Variants in BOP1 observed in about 807,000 individuals in gnomAD.
The protein encoded by BOP1 is BOP1 ribosomal biogenesis factor.
In BOP1, 54 loss-of-function variants were observed where a neutral mutation model predicts 82.9. The ratio of observed to expected loss-of-function variants is 0.65; its 90% CI spans 0.52 to 0.82. The LOEUF (loss-of-function observed/expected upper bound fraction) is 0.82. BOP1 is among the 40% of genes least tolerant of loss of function. BOP1 has a pLI of 0.00. For synonymous variants in BOP1, 566 were observed against 451.1 expected, an observed-to-expected ratio of 1.25 and a Z score of -3.23; for missense variants, 1,170 against 1,072.0, an observed-to-expected ratio of 1.09 and a Z score of -1.28.
At position 144,262,331 on chromosome 8, in the gene BOP1, G is replaced by A; in HGVS notation, c.2088-14C>T. On this transcript the variant is annotated splice_polypyrimidine_tract_variant and intron_variant, in intron 15 of 15. Coordinates refer to ENST00000569669, the MANE Select transcript of BOP1 (RefSeq NM_015201.5). ...TGCAGAAGGTCACTGTGGGGACGAG[G>A]AGGGCTCAGGGCACGGCCAGACACC... The A allele has an allele frequency of 6.2e-7, 1 of 1,612,822 alleles. No homozygotes were observed. The highest frequency in any genetic ancestry group is 1.1e-5 in the South Asian group (1 of 91,058).
chr8:144,281,234 C>T (rs1158954890), intron 2 of BOP1, among the ~76,000 whole-genome samples: 1,184 of 2,428 alleles, frequency 0.49, 571 homozygotes, highest in East Asian at 0.91. Context: ...TTCGGCCTTC[C>T]CTCAGTTTAA....
At chr8:144,271,537 C>T (rs1166797779) in intron 3 of BOP1, among the ~76,000 whole-genome samples, 5 of 152,178 alleles carry the variant, frequency 3.3e-5, no homozygotes, top group Non-Finnish European at 4.4e-5. Flanking sequence ...GAGCGCCACA[C>T]GGCCTTCCTG....
chr8:144,274,175 C>T (rs1225986731), intron 3 of BOP1, among the ~76,000 whole-genome samples: 3 of 151,504 alleles, frequency 2.0e-5, no homozygotes, highest in South Asian at 4.1e-4. Flanking sequence ...CTGAGATCGC[C>T]GCTCGCAGGA....
Position 144,290,338 on chromosome 8 carries a change from C to CAAA in BOP1, c.99+931_99+933dup, listed in dbSNP as rs11353637. The stretch of plus-strand genomic sequence containing the variant: ...TGGGCAACAGAGCCAGGCTCTGTCT[C>CAAA]AAAAAAAAAAAAAAGAAAAAAGAAA... On this transcript the variant is annotated intron_variant, in intron 1 of 15. Coordinates refer to ENST00000569669, the MANE Select transcript of BOP1 (RefSeq NM_015201.5). Among the ~76,000 whole-genome samples the CAAA allele has an allele frequency of 9.5e-5, 12 of 126,108 alleles. No individual in the cohort carries two copies. The East Asian group carries it at 1.4e-3, about 15-fold the overall frequency. 82.7% of individuals were successfully genotyped at this position (126,108 alleles called of 152,430 possible).
chr8:144,263,549 A>T lies in BOP1; in HGVS notation c.1353T>A (p.Val451=). 6.2e-7 allele frequency: 1 copy of T among 1,601,248 alleles called. No individual in the cohort carries two copies. The highest frequency in any genetic ancestry group is 8.5e-7 in the Non-Finnish European group (1 of 1,179,722). ...CACTCTTCACCACGCCCCCCACGGG[A>T]ACAGTCCTCACACAGCGGGCAGTGG... ...EVATARCVRT[V]PVGGVVKSVA... Residue 451 remains valine (V), a synonymous_variant, in exon 11 of 16, where the codon GTT becomes GTA. Coordinates refer to ENST00000569669, the MANE Select transcript of BOP1 (RefSeq NM_015201.5).
intron 2 of BOP1, among the ~76,000 whole-genome samples, chr8:144,277,361 CAT>C (rs1292527516): frequency 5.3e-5 from 8 of 152,358 alleles, no homozygotes; most frequent in East Asian, 1.9e-4. Flanking sequence ...GCCTGGAGCA[CAT>C]GAGCCCCCAC....
chr8:144,286,639 A>G (rs1174621824), intron 2 of BOP1, among the ~76,000 whole-genome samples: 1 of 152,132 alleles, frequency 6.6e-6, no homozygotes, highest in Non-Finnish European at 1.5e-5. Flanking sequence ...AGCACAGGAC[A>G]CGCGGGCAGG....
At chr8:144,271,841 C>CCTT (rs1554837867) in intron 3 of BOP1, among the ~76,000 whole-genome samples, 1 of 152,220 alleles carries the variant, frequency 6.6e-6, no homozygotes, top group Non-Finnish European at 1.5e-5. Flanking sequence ...ACGCATCTGC[C>CCTT]CTTCTAGAGG....
chr8:144,291,289 G>C lies in BOP1; in HGVS notation c.82C>G (p.Pro28Ala), dbSNP rs782569588. Residue 28 changes from proline (P) to alanine (A), a missense_variant, in exon 1 of 16, where the codon CCT becomes GCT. Transcript: ENST00000569669. This position sits in a 1 kb window ranked among gnomAD's most constrained non-coding sequence, Gnocchi z 4.1. ...EKRRSEPELE[P>A]EPEPEPPLLC... ...ACAGTCACCTCCGGCTCGGGCTCAG[G>C]CTCCAGTTCGGGCTCAGACCGCCGC... The C allele has an allele frequency of 4.2e-5, 62 of 1,460,806 alleles. No individual in the cohort carries two copies. In the East Asian group the frequency reaches 8.4e-4, roughly 20 times the overall value. The allele number at this position is 1,460,806 out of a possible 1,614,324, so 90.5% of individuals were successfully genotyped here. A position where few individuals can be genotyped will look rare whatever the true frequency, so the allele number is the denominator to read the frequency against.
At chr8:144,287,121 C>T (rs567943238) in intron 2 of BOP1, among the ~76,000 whole-genome samples, 4 of 152,080 alleles carry the variant, frequency 2.6e-5, no homozygotes, top group African/African-American at 4.8e-5. Context: ...GTGATTCTAA[C>T]GCCTCAGCCT....
chr8:144,262,511 G>A lies in BOP1; in HGVS notation c.1980-8C>T, dbSNP rs889494720. On this transcript the variant is annotated splice_region_variant and splice_polypyrimidine_tract_variant and intron_variant, in intron 14 of 15. Transcript: ENST00000569669. ...AGAGCCTTCTTGTGGTGTCTGGGGG[G>A]AGGGAACCAGGTTGAAGGCAGGCTC... is the stretch of plus-strand genomic sequence containing the variant. The A allele has an allele frequency of 1.2e-6, 2 of 1,612,928 alleles. No individual in the cohort carries two copies. The highest frequency in any genetic ancestry group is 1.7e-5 in the Admixed American group (1 of 59,990).
At chr8:144,289,645 C>T (rs1025144859) in intron 1 of BOP1, among the ~76,000 whole-genome samples, 22 of 152,330 alleles carry the variant, frequency 1.4e-4, no homozygotes, top group East Asian at 1.2e-3. Context: ...ACTGACACTC[C>T]GGAGGCCCTG....
In BOP1 at chr8:144,288,842, G is replaced by A. The variant is rs370895904; in HGVS notation, c.309+253C>T. Among the ~76,000 whole-genome samples the A allele has an allele frequency of 5.3e-5, 8 of 152,222 alleles. No individual in the cohort carries two copies. In the South Asian group the frequency reaches 1.4e-3, roughly 28 times the overall value. ...TCAAGGAAACCCAACCTGTTGCCAG[G>A]AGGGTTGCCCGAGCATCGTCTGACG... On this transcript the variant is annotated intron_variant, in intron 2 of 15. Transcript: ENST00000569669.
intron 2 of BOP1, among the ~76,000 whole-genome samples, chr8:144,285,377 C>G (rs1046956139): frequency 6.6e-6 from 1 of 152,212 alleles, no homozygotes; most frequent in African/African-American, 2.4e-5. Context: ...GAGGCAGAGG[C>G]CACAGGGGCC....
chr8:144,282,790 G>A (rs551065964), intron 2 of BOP1, among the ~76,000 whole-genome samples: 196 of 152,180 alleles, frequency 1.3e-3, no homozygotes, highest in African/African-American at 4.4e-3. Context: ...ACAGTCAGGG[G>A]AGGAGCTGCA....
Position 144,263,644 on chromosome 8 carries a change from C to T in BOP1, c.1292-34G>A, listed in dbSNP as rs1588587811. 13 of 1,605,808 alleles carry T rather than the reference C, an allele frequency of 8.1e-6. No homozygotes were observed. The East Asian group carries it at 2.2e-4, about 28-fold the overall frequency. On this transcript the variant is annotated intron_variant, in intron 10 of 15. Coordinates refer to ENST00000569669, the MANE Select transcript of BOP1 (RefSeq NM_015201.5). ...GGCAGAGACAGCTCTCAACACCTGG[C>T]CATCCCACCTGCCCCCCAGCTCAAG...
At chr8:144,277,711 C>T (rs1177876872) in intron 2 of BOP1, among the ~76,000 whole-genome samples, 8 of 132,028 alleles carry the variant, frequency 6.1e-5, no homozygotes, top group Admixed American at 8.5e-5. Flanking sequence ...TTCCCAGGGG[C>T]GCAGCATCCC....
In BOP1 at chr8:144,262,932, G is replaced by A; in HGVS notation, c.1815C>T (p.Tyr605=). The A allele has an allele frequency of 3.9e-6, 6 of 1,548,592 alleles. No individual in the cohort carries two copies. The highest frequency in any genetic ancestry group is 5.2e-6 in the Non-Finnish European group (6 of 1,153,614). Residue 605 remains tyrosine, a synonymous_variant, in exon 13 of 16, where the codon TAC becomes TAT. Coordinates refer to ENST00000569669, the MANE Select transcript of BOP1 (RefSeq NM_015201.5). ...TGGTGAGCTCCTGGCGCAGCAGGTG[G>A]TAGAGGCGGACGCTGCGCTGGGACG... The part of the protein sequence containing the change: ...LVASQRSVRL[Y]HLLRQELTKK...
Position 144,263,369 on chromosome 8 carries a change from A to G in BOP1, c.1457T>C (p.Leu486Pro), listed in dbSNP as rs1373934041. ...GCTGCCCGCCACCAGCCGGTCCCCC[A>G]GAGCTGGGTTCAGCAGCAGCACCGA... ...EDSVLLLNPA[L>P]GDRLVAGSTD... The change falls in exon 12 of 16, where the codon CTG (leucine) becomes CCG (proline). Residue 486 changes from leucine to proline, a missense_variant. By Grantham distance (98) the Leu-to-Pro change is moderately conservative. Coordinates refer to ENST00000569669, the MANE Select transcript of BOP1 (RefSeq NM_015201.5). 4 of 1,597,114 alleles carry G rather than the reference A, an allele frequency of 2.5e-6. No homozygotes were observed. The highest frequency in any genetic ancestry group is 1.7e-5 in the Admixed American group (1 of 59,922).
Sources: allele counts gnomAD v4.1 joint callset (sites outside exome capture counted in the v4.1 genomes callset), GRCh38; gene constraint gnomAD v4.1.1; non-coding constraint Gnocchi (gnomAD v3.1); transcripts MANE v1.5; gene names NCBI Gene and HGNC (gene_info 2026-07-23, HGNC 2026-07-21).